VPS8: variants seen among roughly 807,000 people sequenced by gnomAD.
VPS8 encodes the protein VPS8 subunit of CORVET complex, also known as vacuolar protein sorting-associated protein 8 homolog.
In VPS8, 129 loss-of-function variants were observed where a neutral mutation model predicts 216.4. The observed-to-expected ratio is 0.60, with a 90% confidence interval of 0.52 to 0.69. VPS8 has a LOEUF of 0.69. Ranked by LOEUF, VPS8 falls within the 30% of genes least tolerant of loss-of-function variation. The pLI is 0.00. For missense variants in VPS8, 1,531 were observed against 1,683.5 expected (o/e 0.91, Z 1.59); for synonymous variants, 571 against 565.4 (o/e 1.01, Z -0.14).
chr3:184,968,584 GGTA>G (rs749381181), intron 39 of VPS8, among the ~76,000 whole-genome samples: 1 of 151,978 alleles, frequency 6.6e-6, no homozygotes, highest in Non-Finnish European at 1.5e-5. Context: ...ATGTGTGTGA[GGTA>G]GTATCTAATT....
rs555336356 is a variant in VPS8 at position 184,862,815 on chromosome 3, C to T, written c.1225-82C>T. 226 of 1,414,116 alleles carry T rather than the reference C, an allele frequency of 1.6e-4. No homozygotes were observed. The African/African-American group carries it at 1.9e-3, about 12-fold the overall frequency. 87.6% of individuals were successfully genotyped at this position (1,414,116 alleles called of 1,614,324 possible). On this transcript the variant is annotated intron_variant, in intron 15 of 47. Transcript: ENST00000625842. ...GATCAAGTCCTCAATGTAATTTAAT[C>T]GAGCAGCCAAGCTTTCTTCTTGACC...
intron 21 of VPS8, among the ~76,000 whole-genome samples, chr3:184,871,809 G>A (rs1040743292): frequency 1.3e-5 from 2 of 152,100 alleles, no homozygotes; most frequent in Non-Finnish European, 2.9e-5. Flanking sequence ...AGTAGGCACA[G>A]GTCCTATCTT....
At chr3:184,874,759 A>G (rs1728947595) in intron 21 of VPS8, among the ~76,000 whole-genome samples, 1 of 152,170 alleles carries the variant, frequency 6.6e-6, no homozygotes, top group Admixed American at 6.5e-5. Flanking sequence ...GCCACATCCC[A>G]CAACTGAGAT....
rs558672776 is a variant in VPS8, at chr3:184,852,442, C to T, written c.754-58C>T. ...TTTTTCAAAATTGTATAATTTTTTC[C>T]TCCTTAATACTTGACTGTTTAAAAA... On this transcript the variant is annotated intron_variant, in intron 10 of 47. Coordinates refer to ENST00000625842, the MANE Select transcript of VPS8 (RefSeq NM_001009921.3). 2.7e-6 allele frequency: 4 copies of T among 1,488,696 alleles called. No homozygotes were observed. In the African/African-American group the frequency reaches 5.7e-5, roughly 21 times the overall value. 92.2% of individuals were successfully genotyped at this position (1,488,696 alleles called of 1,614,324 possible).
chr3:185,026,605 T>G (rs916292378), intron 46 of VPS8, among the ~76,000 whole-genome samples: 2 of 151,650 alleles, frequency 1.3e-5, no homozygotes, highest in Middle Eastern at 3.4e-3. Context: ...AGAGACAGGG[T>G]TTCACCATGT....
chr3:184,949,130 ACTCTAT>A (rs1744208037), intron 36 of VPS8, among the ~76,000 whole-genome samples: 1 of 151,850 alleles, frequency 6.6e-6, no homozygotes, highest in Admixed American at 6.6e-5. Context: ...ACACAGTGAA[ACTCTAT>A]CTCTATAAAA....
chr3:184,891,457 A>G (rs1732328645), intron 22 of VPS8, among the ~76,000 whole-genome samples: 1 of 152,202 alleles, frequency 6.6e-6, no homozygotes, highest in African/African-American at 2.4e-5. Flanking sequence ...AAAAACTGCA[A>G]TTACTTTTGT....
At chr3:184,884,088 T>A (rs1404712847) in intron 21 of VPS8, among the ~76,000 whole-genome samples, 2 of 152,136 alleles carry the variant, frequency 1.3e-5, no homozygotes, top group Non-Finnish European at 2.9e-5. Flanking sequence ...CACTTTTTTT[T>A]ATACTTTAAG....
chr3:184,824,861 C>CTT, intron 2 of VPS8, 76 bp downstream of exon 2: 1 of 1,377,604 alleles, frequency 7.3e-7, no homozygotes, highest in Non-Finnish European at 9.9e-7. Flanking sequence ...CCCAGAGACT[C>CTT]TAAGTCTGTC....
At chr3:184,985,153 G>C (rs1750874548) in intron 42 of VPS8, among the ~76,000 whole-genome samples, 1 of 152,066 alleles carries the variant, frequency 6.6e-6, no homozygotes, top group Non-Finnish European at 1.5e-5. Flanking sequence ...TGCTTTCACA[G>C]ATATCATTTC....
intron 21 of VPS8, among the ~76,000 whole-genome samples, chr3:184,879,798 C>T (rs1166455910): frequency 6.6e-6 from 1 of 152,158 alleles, no homozygotes; most frequent in Non-Finnish European, 1.5e-5. Context: ...AGCTACTGAT[C>T]CCACTTAGCT....
At chr3:184,847,404 T>C (rs1162152429) in intron 8 of VPS8, among the ~76,000 whole-genome samples, 1 of 152,192 alleles carries the variant, frequency 6.6e-6, no homozygotes. Flanking sequence ...AACTGGCAAA[T>C]GTGAAAGCTA....
intron 31 of VPS8, among the ~76,000 whole-genome samples, chr3:184,927,487 A>G (rs1317322661): frequency 6.6e-6 from 1 of 152,224 alleles, no homozygotes; most frequent in Non-Finnish European, 1.5e-5. Context: ...TATATTGAAT[A>G]CAAATAGTAT....
intron 43 of VPS8, among the ~76,000 whole-genome samples, chr3:184,996,128 A>G (rs1301634665): frequency 6.6e-6 from 1 of 152,138 alleles, no homozygotes; most frequent in Admixed American, 6.5e-5. Context: ...TACACTCACC[A>G]TTACTCTGCA....
In VPS8 at chr3:185,004,680, A is replaced by G. The variant is rs548088947; in HGVS notation, c.4002+4819A>G. 8.6e-5 allele frequency among the ~76,000 whole-genome samples: 13 copies of G among 151,808 alleles called. No individual in the cohort carries two copies. In the East Asian group the frequency reaches 1.7e-3, roughly 20 times the overall value. On this transcript the variant is annotated intron_variant, in intron 45 of 47. Transcript: ENST00000625842. ...GTATGTCTTCTTTTGAGAATTGTCTATTTGCATCCTTTGCCCACTTTTTGA... is the reference window on the plus strand; with the variant it reads ...GTATGTCTTCTTTTGAGAATTGTCTGTTTGCATCCTTTGCCCACTTTTTGA...
At chr3:184,955,739 T>C (rs1745479621) in intron 36 of VPS8, among the ~76,000 whole-genome samples, 1 of 151,998 alleles carries the variant, frequency 6.6e-6, no homozygotes, top group Non-Finnish European at 1.5e-5. Flanking sequence ...TCTACATTCA[T>C]TTCAGTTCAG....
chr3:184,903,473 A>G (rs1734935814), intron 25 of VPS8, among the ~76,000 whole-genome samples: 1 of 152,138 alleles, frequency 6.6e-6, no homozygotes, highest in African/African-American at 2.4e-5. Context: ...TATTTTAGAG[A>G]CGGAGTCTCA....
Position 184,832,825 on chromosome 3 carries a change from T to C in VPS8, c.353+6T>C. On this transcript the variant is annotated splice_donor_region_variant and intron_variant, in intron 4 of 47. Transcript: ENST00000625842. ...GACAGGACCAACTTAAAAAGGTAGG[T>C]ATTCATGTCAATCATACTTGCTTAC... is the stretch of plus-strand genomic sequence containing the variant. 1 of 1,604,522 alleles carries C rather than the reference T, an allele frequency of 6.2e-7. No individual in the cohort carries two copies. The highest frequency in any genetic ancestry group is 8.5e-7 in the Non-Finnish European group (1 of 1,175,384).
chr3:184,888,026 C>T (rs1161197216), intron 22 of VPS8, among the ~76,000 whole-genome samples: 37 of 149,584 alleles, frequency 2.5e-4, no homozygotes, highest in Admixed American at 1.5e-3. Flanking sequence ...CTCGCTCTGT[C>T]GCCCAGGCTG....
Sources: allele counts gnomAD v4.1 joint callset (sites outside exome capture counted in the v4.1 genomes callset), GRCh38; gene constraint gnomAD v4.1.1; transcripts MANE v1.5; gene names NCBI Gene and HGNC (gene_info 2026-07-23, HGNC 2026-07-21).